CHN2: variants seen among roughly 807,000 people sequenced by gnomAD.
The protein encoded by CHN2 is chimerin 2.
A neutral mutation model predicts 56.3 loss-of-function variants in CHN2; 35 were observed. The observed-to-expected ratio is 0.62, with a 90% CI of 0.47 to 0.82. The LOEUF is 0.82. Ranked by LOEUF, CHN2 falls within the 40% of genes least tolerant of loss-of-function variation. The pLI, the probability that CHN2 is intolerant of heterozygous loss-of-function variation, is 0.00. For synonymous variants in CHN2, 210 were observed against 212.8 expected (o/e 0.99, Z 0.12); for missense variants, 491 against 580.5 (o/e 0.85, Z 1.58).
intron 6 of CHN2, among the ~76,000 whole-genome samples, chr7:29,467,780 T>C (rs1785658870): frequency 6.6e-6 from 1 of 152,138 alleles, no homozygotes; most frequent in South Asian, 2.1e-4. Flanking sequence ...CTTCCTCATA[T>C]CTGAAATGAG....
intron 6 of CHN2, among the ~76,000 whole-genome samples, chr7:29,452,142 C>G (rs1362798196): frequency 6.6e-6 from 1 of 152,198 alleles, no homozygotes; most frequent in Non-Finnish European, 1.5e-5. Flanking sequence ...TTTGCATAGA[C>G]CCCTACAAAT....
intron 3 of CHN2, among the ~76,000 whole-genome samples, chr7:29,375,989 A>G (rs570435958): frequency 6.6e-6 from 1 of 152,342 alleles, no homozygotes; most frequent in African/African-American, 2.4e-5. Context: ...TAACTGAGAA[A>G]TAATGCTGAT....
intron 1 of CHN2, among the ~76,000 whole-genome samples, chr7:29,228,315 T>C (rs1786384674): frequency 1.3e-5 from 2 of 152,162 alleles, no homozygotes; most frequent in Admixed American, 1.3e-4. Context: ...GTATTTTTAG[T>C]ATACCTTTCC....
intron 1 of CHN2, among the ~76,000 whole-genome samples, chr7:29,350,289 AT>A (rs34415318): frequency 1.5e-4 from 22 of 149,258 alleles, no homozygotes; most frequent in South Asian, 4.3e-4. Flanking sequence ...TTGAAAACCT[AT>A]TTTTTTTTTA....
chr7:29,351,090 G>T (rs1248724151), intron 1 of CHN2, among the ~76,000 whole-genome samples: 1 of 129,422 alleles, frequency 7.7e-6, no homozygotes, highest in South Asian at 2.5e-4. Context: ...CGTGGGCAAC[G>T]GAGCAAGACT....
At chr7:29,215,315 G>A (rs1199004154) in intron 1 of CHN2, among the ~76,000 whole-genome samples, 3 of 152,118 alleles carry the variant, frequency 2.0e-5, no homozygotes, top group East Asian at 3.9e-4. Context: ...GCCTGAGGCC[G>A]TCCTCTGCAT....
At chr7:29,180,388 G>C (rs146726909) in intron 2 of CHN2, among the ~76,000 whole-genome samples, 2 of 151,946 alleles carry the variant, frequency 1.3e-5, no homozygotes, top group Admixed American at 6.6e-5. Flanking sequence ...TTAGCCAGGC[G>C]TGGTGGCACA....
In CHN2 at chr7:29,513,510, C is replaced by CTTTTCGTATCA. The variant is rs904044171; in HGVS notation, c.*777_*787dup. 1.3e-5 allele frequency: 2 copies of CTTTTCGTATCA among 152,174 alleles called. No homozygotes were observed. The highest frequency in any genetic ancestry group is 4.8e-5 in the African/African-American group (2 of 41,450). The allele number at this position is 152,174 out of a possible 1,614,324, so 9.4% of individuals were successfully genotyped here. ...AGTATGCTTTGGAATTGGTCATAGTCTTTTCGTATCATGAGTGTGTATCCC... is the reference window on the plus strand; with the variant it reads ...AGTATGCTTTGGAATTGGTCATAGTCTTTTCGTATCATTTTCGTATCATGAGTGTGTATCCC... On this transcript the variant is annotated 3_prime_UTR_variant, in exon 13 of 13. Coordinates refer to ENST00000222792, the MANE Select transcript of CHN2 (RefSeq NM_004067.4).
intron 1 of CHN2, among the ~76,000 whole-genome samples, chr7:29,317,620 G>A (rs910931481): frequency 1.3e-5 from 2 of 152,174 alleles, no homozygotes; most frequent in African/African-American, 2.4e-5. Flanking sequence ...TTCATCAAAC[G>A]TTTTTAGCAC....
At chr7:29,294,469 A>G (rs1792956886) in intron 1 of CHN2, among the ~76,000 whole-genome samples, 1 of 152,168 alleles carries the variant, frequency 6.6e-6, no homozygotes, top group Admixed American at 6.5e-5. Context: ...CCACAGAAAC[A>G]CTTTCTCAAA....
intron 6 of CHN2, among the ~76,000 whole-genome samples, chr7:29,426,392 G>T (rs1804871276): frequency 6.6e-6 from 1 of 152,110 alleles, no homozygotes; most frequent in Non-Finnish European, 1.5e-5. Flanking sequence ...ATAAGGAAAT[G>T]TGTGATTTGA....
At chr7:29,242,675 A>T (rs1434663240) in intron 1 of CHN2, among the ~76,000 whole-genome samples, 1 of 151,404 alleles carries the variant, frequency 6.6e-6, no homozygotes, top group Admixed American at 6.6e-5. Flanking sequence ...AACTTAGATA[A>T]AGAAGGGTAC....
In CHN2 at chr7:29,194,924, C is replaced by T. The variant is rs752069609; in HGVS notation, c.-18C>T. 6.4e-7 allele frequency: 1 copy of T among 1,555,564 alleles called. No individual in the cohort carries two copies. The highest frequency in any genetic ancestry group is 1.4e-5 in the African/African-American group (1 of 70,594). On this transcript the variant is annotated 5_prime_UTR_variant, in exon 1 of 13. In the 5' UTR this introduces an upstream ATG that the reference lacks. Coordinates refer to ENST00000222792, the MANE Select transcript of CHN2 (RefSeq NM_004067.4). ...CGCACCGGGGCTGAGCGAGCAGCGA[C>T]GCGAGGGGCGCGCGGAGATGGCAGC... is the stretch of plus-strand genomic sequence containing the variant.
intron 3 of CHN2, among the ~76,000 whole-genome samples, chr7:29,388,149 G>A (rs773322902): frequency 1.3e-5 from 2 of 152,134 alleles, no homozygotes; most frequent in East Asian, 1.9e-4. Context: ...GCTTTGCTGC[G>A]CTATACATTT....
At chr7:29,476,900 G>A (rs888212042) in intron 6 of CHN2, among the ~76,000 whole-genome samples, 7 of 152,136 alleles carry the variant, frequency 4.6e-5, no homozygotes, top group African/African-American at 1.7e-4. Context: ...GTAGGGAAAT[G>A]TGCTTCATCT....
At chr7:29,419,209 C>A (rs1804081257) in intron 6 of CHN2, among the ~76,000 whole-genome samples, 1 of 152,170 alleles carries the variant, frequency 6.6e-6, no homozygotes, top group Admixed American at 6.5e-5. Context: ...CACCAATTTA[C>A]ACCTAGCACA....
intron 1 of CHN2, among the ~76,000 whole-genome samples, chr7:29,273,732 A>G (rs1790946483): frequency 6.6e-6 from 1 of 152,086 alleles, no homozygotes; most frequent in African/African-American, 2.4e-5. Flanking sequence ...TATTTTTCAA[A>G]ATAGTGTCAT....
At chr7:29,477,288 T>A (rs1244796226) in intron 6 of CHN2, among the ~76,000 whole-genome samples, 1 of 152,196 alleles carries the variant, frequency 6.6e-6, no homozygotes, top group Non-Finnish European at 1.5e-5. Context: ...TTTGGGTAAA[T>A]TCTATTGAAT....
chr7:29,427,981 G>T (rs549701295), intron 6 of CHN2, among the ~76,000 whole-genome samples: 108 of 152,280 alleles, frequency 7.1e-4, no homozygotes, highest in African/African-American at 2.4e-3. Context: ...TATGTGACAT[G>T]TTTGGAATAG....
Sources: allele counts gnomAD v4.1 joint callset (sites outside exome capture counted in the v4.1 genomes callset), GRCh38; gene constraint gnomAD v4.1.1; transcripts MANE v1.5; gene names NCBI Gene and HGNC (gene_info 2026-07-23, HGNC 2026-07-21).